The following MAGI1 variants were observed in gnomAD, a reference collection of about 807,000 sequenced individuals.
MAGI1 encodes the protein membrane associated guanylate kinase, WW and PDZ domain containing 1.
In MAGI1, 58 loss-of-function variants were observed where a neutral mutation model predicts 139.9. That is an observed-to-expected ratio of 0.41 (90% CI 0.34 to 0.52). MAGI1 has a LOEUF of 0.52. Ranked by LOEUF, MAGI1 falls within the 20% of genes least tolerant of loss-of-function variation. The probability of loss-of-function intolerance (pLI) is 0.12; values close to 1 mark genes in which losing one functional copy is unlikely to be tolerated. For synonymous variants in MAGI1, 812 were observed against 737.9 expected (o/e 1.10, Z -1.63); for missense variants, 1,874 against 1,901.6 (o/e 0.99, Z 0.27).
chr3:65,605,171 T>C (rs2082677096), intron 2 of MAGI1, among the ~76,000 whole-genome samples: 1 of 152,230 alleles, frequency 6.6e-6, no homozygotes, highest in Non-Finnish European at 1.5e-5. Flanking sequence ...GACCTCACTA[T>C]AAATGACCTG....
intron 2 of MAGI1, among the ~76,000 whole-genome samples, chr3:65,620,636 T>G (rs2083613753): frequency 1.3e-5 from 2 of 152,228 alleles, no homozygotes; most frequent in Non-Finnish European, 2.9e-5. Context: ...ACGAGGTTAT[T>G]ACTAGGACTA....
intron 2 of MAGI1, among the ~76,000 whole-genome samples, chr3:65,523,423 C>T (rs542194404): frequency 4.1e-5 from 5 of 122,634 alleles, no homozygotes; most frequent in East Asian, 2.3e-4. Flanking sequence ...GAGAGGGAGG[C>T]GAAGAGAGGG....
At chr3:65,887,112 A>G (rs1408489759) in intron 1 of MAGI1, among the ~76,000 whole-genome samples, 1 of 152,308 alleles carries the variant, frequency 6.6e-6, no homozygotes, top group East Asian at 1.9e-4. Context: ...CATGAGTAAA[A>G]TAAGTATGTA....
chr3:65,961,485 T>C (rs2064420623), intron 1 of MAGI1, among the ~76,000 whole-genome samples: 1 of 152,090 alleles, frequency 6.6e-6, no homozygotes, highest in Non-Finnish European at 1.5e-5. Flanking sequence ...CTCATGTAAA[T>C]TAAGGAAAAC....
At chr3:65,443,346 T>G (rs950016321) in intron 7 of MAGI1, among the ~76,000 whole-genome samples, 11 of 152,216 alleles carry the variant, frequency 7.2e-5, no homozygotes, top group Non-Finnish European at 1.3e-4. Flanking sequence ...GTTGGGTTTT[T>G]GAACTGCACA....
intron 2 of MAGI1, among the ~76,000 whole-genome samples, chr3:65,534,726 G>A (rs2078877506): frequency 6.6e-6 from 1 of 152,154 alleles, no homozygotes; most frequent in African/African-American, 2.4e-5. Flanking sequence ...GACGATGATG[G>A]CAAGAGAGCA....
intron 1 of MAGI1, among the ~76,000 whole-genome samples, chr3:65,908,210 C>T (rs28735710): frequency 0.021 from 3,139 of 152,192 alleles, 97 homozygotes; most frequent in African/African-American, 0.057. Context: ...AGGTAGTATA[C>T]GCAGAAAATG....
At chr3:65,499,739 T>C (rs141702684) in intron 2 of MAGI1, among the ~76,000 whole-genome samples, 10 of 152,366 alleles carry the variant, frequency 6.6e-5, no homozygotes, top group Non-Finnish European at 8.8e-5. Flanking sequence ...CTGCATTTCA[T>C]TGAAAAACAG....
intron 12 of MAGI1, among the ~76,000 whole-genome samples, chr3:65,412,452 C>A (rs1269570734): frequency 6.6e-6 from 1 of 152,188 alleles, no homozygotes; most frequent in African/African-American, 2.4e-5. Flanking sequence ...CTAAAATGAC[C>A]TTGTTTACTT....
rs748192564 is a variant in MAGI1 at position 65,387,137 on chromosome 3, C to T, written c.2417-3514G>A. 6 of 1,612,572 alleles carry T rather than the reference C, an allele frequency of 3.7e-6. No homozygotes were observed. In the East Asian group the frequency reaches 6.7e-5, roughly 18 times the overall value. ...GGAGAGACAAAAGTTTTCAGCGGATCCTTACTCGGACATTCTCCAAAATTC... is the reference window on the plus strand; with the variant it reads ...GGAGAGACAAAAGTTTTCAGCGGATTCTTACTCGGACATTCTCCAAAATTC... On this transcript the variant is annotated intron_variant, in intron 14 of 22. Coordinates refer to ENST00000402939, the MANE Select transcript of MAGI1 (RefSeq NM_001033057.2).
chr3:65,658,337 T>C (rs1281781969), intron 1 of MAGI1, among the ~76,000 whole-genome samples: 1 of 152,170 alleles, frequency 6.6e-6, no homozygotes, highest in African/African-American at 2.4e-5. Flanking sequence ...GAACAAAACT[T>C]CCTGCATTTG....
chr3:65,644,996 C>CAA (rs890861198), intron 1 of MAGI1, among the ~76,000 whole-genome samples: 17 of 90,352 alleles, frequency 1.9e-4, no homozygotes, highest in African/African-American at 6.8e-4. Flanking sequence ...GACTCCATCT[C>CAA]AAAAAAAAAA....
intron 2 of MAGI1, among the ~76,000 whole-genome samples, chr3:65,527,552 C>A (rs994168080): frequency 3.3e-5 from 5 of 151,984 alleles, no homozygotes; most frequent in Admixed American, 6.6e-5. Flanking sequence ...GGTGAAACCC[C>A]GTCTCTACTA....
At chr3:65,431,328 A>C (rs574300429) in intron 10 of MAGI1, among the ~76,000 whole-genome samples, 1 of 152,142 alleles carries the variant, frequency 6.6e-6, no homozygotes. Flanking sequence ...AACAGAACTA[A>C]TCAAACGGAA....
At chr3:65,976,802 G>C (rs541300944) in intron 1 of MAGI1, among the ~76,000 whole-genome samples, 1 of 152,294 alleles carries the variant, frequency 6.6e-6, no homozygotes, top group East Asian at 1.9e-4. Context: ...CCATGAAGAA[G>C]ACTTAGAAGC....
chr3:65,376,478 T>C (rs1212787764), intron 17 of MAGI1, among the ~76,000 whole-genome samples: 1 of 152,200 alleles, frequency 6.6e-6, no homozygotes, highest in African/African-American at 2.4e-5. Context: ...AAATTCAATC[T>C]GAAAACACCT....
At chr3:65,597,792 G>A (rs1237634638) in intron 2 of MAGI1, 7 of 456,686 alleles carry the variant, frequency 1.5e-5, no homozygotes, top group Middle Eastern at 3.3e-4. Context: ...GGCGAGAGGA[G>A]ATCATGGACC....
chr3:66,031,677 AAAGTTT>A (rs143083006), intron 1 of MAGI1, among the ~76,000 whole-genome samples: 2,986 of 152,126 alleles, frequency 0.02, 84 homozygotes, highest in African/African-American at 0.067. Context: ...TTGATTTTTG[AAAGTTT>A]AAGTTAAAAA....
chr3:65,993,555 G>A (rs1172918915), intron 1 of MAGI1, among the ~76,000 whole-genome samples: 1 of 152,168 alleles, frequency 6.6e-6, no homozygotes, highest in African/African-American at 2.4e-5. Context: ...AGCCTCCATG[G>A]ACTGAACCCA....
Sources: allele counts gnomAD v4.1 joint callset (sites outside exome capture counted in the v4.1 genomes callset), GRCh38; gene constraint gnomAD v4.1.1; transcripts MANE v1.5; gene names NCBI Gene and HGNC (gene_info 2026-07-23, HGNC 2026-07-21).